GPD2: variants seen among roughly 807,000 people sequenced by gnomAD.
GPD2 encodes the protein glycerol-3-phosphate dehydrogenase 2.
GPD2 carries 54 observed loss-of-function variants against 82.4 expected under a neutral mutation model. The ratio of observed to expected loss-of-function variants is 0.66; its 90% CI spans 0.53 to 0.82. The LOEUF (loss-of-function observed/expected upper bound fraction) is 0.82, where lower values mean the gene tolerates loss of function less well. GPD2 is among the 40% of genes least tolerant of loss of function. GPD2 has a pLI of 0.00. For synonymous variants in GPD2, 288 were observed against 306.1 expected, an observed-to-expected ratio of 0.94 and a Z score of 0.62; for missense variants, 748 against 896.2, an observed-to-expected ratio of 0.83 and a Z score of 2.11.
chr2:156,491,241 T>C (rs987428490), intron 2 of GPD2, among the ~76,000 whole-genome samples: 1 of 152,248 alleles, frequency 6.6e-6, no homozygotes, highest in Non-Finnish European at 1.5e-5. Flanking sequence ...TTTTGCTTAG[T>C]ACAGGGATTA....
At chr2:156,534,028 G>T (rs1432558676) in intron 6 of GPD2, among the ~76,000 whole-genome samples, 1 of 152,216 alleles carries the variant, frequency 6.6e-6, no homozygotes, top group Admixed American at 6.5e-5. Flanking sequence ...TTCTTGTCTG[G>T]TATCCAGGAA....
At chr2:156,407,384 T>C in the GPD2 span, among the ~76,000 whole-genome samples, 1 of 152,252 alleles carries the variant, frequency 6.6e-6, no homozygotes, top group South Asian at 2.1e-4. Context: ...TATGCTCATA[T>C]CCTTTTCTCC....
intron 1 of GPD2, among the ~76,000 whole-genome samples, chr2:156,449,361 A>C (rs1242794934): frequency 6.6e-6 from 1 of 152,180 alleles, no homozygotes; most frequent in Non-Finnish European, 1.5e-5. Flanking sequence ...TGGTTTTGCT[A>C]TAAAGTAGTC....
At chr2:156,424,954 A>G in the GPD2 span, among the ~76,000 whole-genome samples, 1 of 152,162 alleles carries the variant, frequency 6.6e-6, no homozygotes, top group African/African-American at 2.4e-5. Context: ...ACATTGCCAT[A>G]TTTATTAAGA....
the GPD2 span, among the ~76,000 whole-genome samples, chr2:156,417,117 A>G: frequency 6.6e-6 from 1 of 152,164 alleles, no homozygotes; most frequent in East Asian, 1.9e-4. Flanking sequence ...TTTCCTCATT[A>G]AATTAAACTA....
intron 8 of GPD2, among the ~76,000 whole-genome samples, chr2:156,555,710 AAAAAT>A (rs771241179): frequency 5.7e-4 from 87 of 152,296 alleles, no homozygotes; most frequent in Middle Eastern, 6.8e-3. Flanking sequence ...AATACAAAGA[AAAAAT>A]AATCATATTT....
chr2:156,503,013 C>G (rs543699159), intron 3 of GPD2, among the ~76,000 whole-genome samples: 1 of 152,014 alleles, frequency 6.6e-6, no homozygotes, highest in East Asian at 1.9e-4. Context: ...TAGTAATGAC[C>G]ATGAGAGACT....
intron 2 of GPD2, among the ~76,000 whole-genome samples, chr2:156,488,024 G>A (rs1340962508): frequency 6.6e-6 from 1 of 152,122 alleles, no homozygotes; most frequent in Non-Finnish European, 1.5e-5. Context: ...TTAAAATCTG[G>A]ACAGTACCTT....
intron 13 of GPD2, among the ~76,000 whole-genome samples, chr2:156,572,867 CA>C (rs1376252526): frequency 6.6e-6 from 1 of 152,088 alleles, no homozygotes; most frequent in African/African-American, 2.4e-5. Flanking sequence ...GCTTAAACAA[CA>C]AACATTTATT....
At chr2:156,458,831 A>G (rs1682877681) in intron 1 of GPD2, among the ~76,000 whole-genome samples, 2 of 152,156 alleles carry the variant, frequency 1.3e-5, no homozygotes, top group African/African-American at 2.4e-5. Flanking sequence ...TCTAATTACA[A>G]GAATAATTCA....
intron 6 of GPD2, among the ~76,000 whole-genome samples, chr2:156,534,420 G>A (rs1173726899): frequency 6.6e-6 from 1 of 152,200 alleles, no homozygotes; most frequent in African/African-American, 2.4e-5. Flanking sequence ...CCCATTTAGG[G>A]CCATGGGTTT....
intron 6 of GPD2, among the ~76,000 whole-genome samples, chr2:156,532,922 A>T (rs1412683665): frequency 6.6e-6 from 1 of 152,224 alleles, no homozygotes; most frequent in African/African-American, 2.4e-5. Context: ...AAAGAGCTGT[A>T]GTGCTGCATC....
At chr2:156,434,574 A>G (rs139458851), upstream of GPD2, among the ~76,000 whole-genome samples, 13 of 152,274 alleles carry the variant, frequency 8.5e-5, no homozygotes, top group East Asian at 2.5e-3. Context: ...CCTTTAAACA[A>G]TCGCCTCTGA....
At chr2:156,475,275 T>C (rs901262304) in intron 1 of GPD2, among the ~76,000 whole-genome samples, 1 of 152,172 alleles carries the variant, frequency 6.6e-6, no homozygotes, top group Admixed American at 6.5e-5. Context: ...GCAGGTTAAA[T>C]TGGTCAGTTT....
intron 1 of GPD2, among the ~76,000 whole-genome samples, chr2:156,442,679 G>A (rs298302): frequency 0.32 from 48,302 of 151,920 alleles, 9,165 homozygotes; most frequent in Middle Eastern, 0.44. Flanking sequence ...CTGGTGGTGC[G>A]TGTCTCCTAC....
chr2:156,403,418 T>G, the GPD2 span, among the ~76,000 whole-genome samples: 28,056 of 152,090 alleles, frequency 0.18, 3,150 homozygotes, highest in Non-Finnish European at 0.24. Context: ...TATGAGGGTG[T>G]AATGCTTGGA....
rs141987512 is a variant in GPD2 at position 156,535,274 on chromosome 2, T to TGA, written c.662-14319_662-14318dup. On this transcript the variant is annotated intron_variant, in intron 6 of 16. Transcript: ENST00000438166. ...TATGCTGATGGGAAGGAATCCCAGG[T>TGA]GAGAGAGAGAGAGAGAAAGAGAGAG... Among the ~76,000 whole-genome samples, 31 of 141,760 alleles carry TGA rather than the reference T, an allele frequency of 2.2e-4. No homozygotes were observed. The South Asian group carries it at 5.3e-3, about 24-fold the overall frequency. 93.0% of individuals were successfully genotyped at this position (141,760 alleles called of 152,430 possible). A position where few individuals can be genotyped will look rare whatever the true frequency, so the allele number is the denominator to read the frequency against.
chr2:156,509,606 A>G (rs1192155262), intron 3 of GPD2, among the ~76,000 whole-genome samples: 2 of 151,858 alleles, frequency 1.3e-5, no homozygotes, highest in African/African-American at 4.8e-5. Context: ...TGTAGTACTG[A>G]TGGTCATCTC....
chr2:156,453,566 G>C (rs1682689584), intron 1 of GPD2, among the ~76,000 whole-genome samples: 1 of 152,188 alleles, frequency 6.6e-6, no homozygotes, highest in Non-Finnish European at 1.5e-5. Flanking sequence ...TGAGGTGGTT[G>C]AGGAATTGGA....
Sources: allele counts gnomAD v4.1 joint callset (sites outside exome capture counted in the v4.1 genomes callset), GRCh38; gene constraint gnomAD v4.1.1; transcripts MANE v1.5; gene names NCBI Gene and HGNC (gene_info 2026-07-23, HGNC 2026-07-21).